ANKRD44: variants seen among roughly 807,000 people sequenced by gnomAD.
ANKRD44 encodes serine/threonine-protein phosphatase 6 regulatory ankyrin repeat subunit B.
Under a neutral mutation model 116.0 loss-of-function variants are expected in ANKRD44, and 35 were observed. That is an observed-to-expected ratio of 0.30 (90% CI 0.23 to 0.40). ANKRD44 has a LOEUF of 0.40. Ranked by LOEUF, ANKRD44 falls within the 10% of genes least tolerant of loss-of-function variation. ANKRD44 has a pLI of 1.00. For synonymous variants in ANKRD44, 435 were observed against 461.8 expected (o/e 0.94, Z 0.74); for missense variants, 1,014 against 1,242.6 (o/e 0.82, Z 2.77).
At chr2:197,192,359 A>T (rs911621482) in intron 1 of ANKRD44, among the ~76,000 whole-genome samples, 1 of 152,238 alleles carries the variant, frequency 6.6e-6, no homozygotes, top group Admixed American at 6.5e-5. Flanking sequence ...TCGGGAAAAT[A>T]AAGACTCCAA....
At chr2:197,297,621 G>T (rs557753409) in intron 1 of ANKRD44, among the ~76,000 whole-genome samples, 1 of 152,310 alleles carries the variant, frequency 6.6e-6, no homozygotes, top group South Asian at 2.1e-4. Context: ...CTTGTTAGGA[G>T]TAGCGCTGTG....
intron 1 of ANKRD44, among the ~76,000 whole-genome samples, chr2:197,192,597 G>A (rs7581864): frequency 0.015 from 2,310 of 152,220 alleles, 73 homozygotes; most frequent in African/African-American, 0.052. Context: ...GAAACACTTC[G>A]TTAGGTAACA....
intron 2 of ANKRD44, among the ~76,000 whole-genome samples, chr2:197,147,470 T>C (rs1248071310): frequency 6.6e-6 from 1 of 152,142 alleles, no homozygotes; most frequent in South Asian, 2.1e-4. Flanking sequence ...AGCAATATAG[T>C]TCAAAGCTTT....
Position 196,989,431 on chromosome 2 carries a change from C to G in ANKRD44, c.*160G>C, listed in dbSNP as rs1221230237. The G allele has an allele frequency of 3.2e-6, 4 of 1,255,856 alleles. No individual in the cohort carries two copies. Among genetic ancestry groups the G allele is most frequent in the Non-Finnish European group, 4.0e-6 (4 of 997,322 alleles). 77.8% of individuals were successfully genotyped at this position (1,255,856 alleles called of 1,614,324 possible). A position where few individuals can be genotyped will look rare whatever the true frequency, so the allele number is the denominator to read the frequency against. ...AAAAAGCTACTTCAGTTCTCACTTGCATTTTGAAGGAAAAAAATGTGTATC... is the reference window on the plus strand; with the variant it reads ...AAAAAGCTACTTCAGTTCTCACTTGGATTTTGAAGGAAAAAAATGTGTATC... On this transcript the variant is annotated 3_prime_UTR_variant, in exon 28 of 28. Transcript: ENST00000282272.
Position 197,125,369 on chromosome 2 carries a change from T to G in ANKRD44, c.550+12A>C. 6.2e-7 allele frequency: 1 copy of G among 1,613,018 alleles called. No individual in the cohort carries two copies. The highest frequency in any genetic ancestry group is 8.5e-7 in the Non-Finnish European group (1 of 1,178,934). On this transcript the variant is annotated intron_variant, in intron 6 of 27. Coordinates refer to ENST00000282272, the MANE Select transcript of ANKRD44 (RefSeq NM_001195144.2). ...TTATCTGTACTTTGCTTTCCATGCA[T>G]GGAATCCTTACCCATGTATGCTGCC... is the stretch of plus-strand genomic sequence containing the variant.
chr2:197,084,627 A>T (rs2077878181), intron 13 of ANKRD44, among the ~76,000 whole-genome samples: 1 of 152,098 alleles, frequency 6.6e-6, no homozygotes, highest in Non-Finnish European at 1.5e-5. Context: ...TGACTTCTTC[A>T]CCCTTATTTC....
intron 1 of ANKRD44, among the ~76,000 whole-genome samples, chr2:197,256,650 G>A (rs1175767873): frequency 6.6e-6 from 1 of 152,108 alleles, no homozygotes; most frequent in Non-Finnish European, 1.5e-5. Context: ...TCCCAAGAAG[G>A]CTTCATGTAT....
chr2:197,126,794 G>A (rs2078984425), intron 4 of ANKRD44, among the ~76,000 whole-genome samples: 1 of 143,876 alleles, frequency 7.0e-6, no homozygotes, highest in Non-Finnish European at 1.6e-5. Flanking sequence ...AAAAGTAATT[G>A]CATTGCTTTT....
intron 1 of ANKRD44, chr2:197,296,196 C>T (rs1359094317): frequency 6.6e-6 from 1 of 152,228 alleles, no homozygotes; most frequent in East Asian, 1.9e-4. Context: ...ATAGAAGCTC[C>T]TAATACCTGA....
intron 8 of ANKRD44, among the ~76,000 whole-genome samples, chr2:197,113,740 C>A (rs1455822569): frequency 6.6e-6 from 1 of 152,048 alleles, no homozygotes; most frequent in African/African-American, 2.4e-5. Context: ...TGTAAAGGGA[C>A]AAGTAAATGG....
chr2:197,220,810 T>C (rs2081568098), intron 1 of ANKRD44, among the ~76,000 whole-genome samples: 1 of 152,252 alleles, frequency 6.6e-6, no homozygotes, highest in Non-Finnish European at 1.5e-5. Flanking sequence ...ATCTACTTTA[T>C]GTTGACTCAC....
intron 16 of ANKRD44, among the ~76,000 whole-genome samples, chr2:197,039,995 G>A (rs796103752): frequency 4.6e-5 from 7 of 151,570 alleles, no homozygotes; most frequent in African/African-American, 1.2e-4. Context: ...TTGGGAGGCC[G>A]AGGCGGGCAG....
At chr2:197,031,204 T>C (rs1048924048) in intron 16 of ANKRD44, among the ~76,000 whole-genome samples, 1 of 152,030 alleles carries the variant, frequency 6.6e-6, no homozygotes, top group Non-Finnish European at 1.5e-5. Flanking sequence ...CATGACTATA[T>C]ATACAGGAAA....
chr2:197,288,908 G>A (rs1049005390), intron 1 of ANKRD44, among the ~76,000 whole-genome samples: 1 of 152,194 alleles, frequency 6.6e-6, no homozygotes, highest in Non-Finnish European at 1.5e-5. Flanking sequence ...GGATAAGTGG[G>A]TGGGAGGAGG....
In ANKRD44 at chr2:196,986,894, A is replaced by C; in HGVS notation, c.*2697T>G. 1.0e-6 allele frequency: 1 copy of C among 985,412 alleles called. No individual in the cohort carries two copies. Among genetic ancestry groups the C allele is most frequent in the Non-Finnish European group, 1.2e-6 (1 of 829,886 alleles). The allele number at this position is 985,412 out of a possible 1,614,324, so 61.0% of individuals were successfully genotyped here. Reference sequence around the variant, plus strand: ...CCAGAGTCATTCAACTCCAATTTACATAAGAAAACATTATAGACAAAATCC... The same window carrying C: ...CCAGAGTCATTCAACTCCAATTTACCTAAGAAAACATTATAGACAAAATCC... On this transcript the variant is annotated 3_prime_UTR_variant, in exon 28 of 28. Coordinates refer to ENST00000282272, the MANE Select transcript of ANKRD44 (RefSeq NM_001195144.2).
chr2:197,287,663 T>C (rs570327589), intron 1 of ANKRD44, among the ~76,000 whole-genome samples: 2 of 152,244 alleles, frequency 1.3e-5, no homozygotes, highest in East Asian at 3.9e-4. Flanking sequence ...TGCTGAGATA[T>C]AATACCTATT....
rs141439890 is a variant in ANKRD44 at position 196,995,557 on chromosome 2, C to T, written c.2749-96G>A. 1,557 of 942,748 alleles carry T rather than the reference C, an allele frequency of 1.7e-3. 12 individuals carry two copies. Among genetic ancestry groups the T allele is most frequent in the South Asian group, 0.011 (681 of 61,642 alleles). 58.4% of individuals were successfully genotyped at this position (942,748 alleles called of 1,614,324 possible). A position where few individuals can be genotyped will look rare whatever the true frequency, so the allele number is the denominator to read the frequency against. ...TATGATTTAAATTGAAAATGAATGT[C>T]GTCTGCCTAAGAACATTCTATAGGG... On this transcript the variant is annotated intron_variant, in intron 25 of 27. Coordinates refer to ENST00000282272, the MANE Select transcript of ANKRD44 (RefSeq NM_001195144.2).
intron 1 of ANKRD44, among the ~76,000 whole-genome samples, chr2:197,187,663 T>TCTCTCTCTCTCTCTCC (rs1204770094): frequency 3.1e-4 from 47 of 152,002 alleles, no homozygotes; most frequent in Non-Finnish European, 5.1e-4. Flanking sequence ...TCTCTCTCTC[T>TCTCTCTCTCTCTCTCC]CTCTCTCTCT....
intron 16 of ANKRD44, among the ~76,000 whole-genome samples, chr2:197,034,095 A>G (rs1283833456): frequency 1.3e-5 from 2 of 148,658 alleles, no homozygotes; most frequent in Non-Finnish European, 3.0e-5. Flanking sequence ...AGCTCATACT[A>G]TGCCTTGCTA....
Sources: gnomAD v4.1 joint callset for allele counts (sites outside exome capture counted in the v4.1 genomes callset) on GRCh38, gnomAD v4.1.1 for gene constraint, MANE v1.5 for transcripts, NCBI Gene and HGNC (gene_info 2026-07-23, HGNC 2026-07-21) for gene names.